Variants in MAGED1 observed in about 807,000 individuals in gnomAD.
MAGED1 encodes MAGE family member D1.
Under a neutral mutation model 54.1 loss-of-function variants are expected in MAGED1, and 3 were observed. The observed-to-expected ratio is 0.06, with a 90% CI of 0.03 to 0.14. MAGED1 has a LOEUF of 0.14. Among genes scored for constraint, MAGED1 ranks in the 10% least tolerant of loss-of-function variants. The pLI, the probability that MAGED1 is intolerant of heterozygous loss-of-function variation, is 1.00. For synonymous variants in MAGED1, 217 were observed against 227.3 expected, an observed-to-expected ratio of 0.95 and a Z score of 0.41; for missense variants, 485 against 623.4, an observed-to-expected ratio of 0.78 and a Z score of 2.36.
intron 1 of MAGED1, among the ~76,000 whole-genome samples, chrX:51,844,562 A>G (rs1339206259): frequency 1.8e-5 from 2 of 112,165 alleles, no homozygotes; most frequent in Admixed American, 1.9e-4. Flanking sequence ...AAGCCAAAGC[A>G]GGCAGTGTGG....
At chrX:51,895,802 C>A (rs976391558) in intron 3 of MAGED1, 42 bp downstream of exon 3, 15 of 1,014,378 alleles carry the variant, frequency 1.5e-5, no homozygotes, top group African/African-American at 1.9e-5. Context: ...GGGCTGTCTC[C>A]TTTCTTCTCT....
rs782449472 is a variant in MAGED1 at position 51,895,040 on chromosome X, C to T, written c.46-13C>T. 2.5e-6 allele frequency: 3 copies of T among 1,178,797 alleles called. No homozygotes were observed. Among genetic ancestry groups the T allele is most frequent in the Non-Finnish European group, 3.4e-6 (3 of 874,429 alleles). On this transcript the variant is annotated splice_polypyrimidine_tract_variant and intron_variant, in intron 2 of 12. Coordinates refer to ENST00000326587, the MANE Select transcript of MAGED1 (RefSeq NM_006986.4). ...GGCCCAGAGATTTAATTTTTTCCCC[C>T]CTGTGTTTGCAGGCTGAGGCCTCCG...
At chrX:51,866,142 GT>G (rs1160361315) in intron 1 of MAGED1, among the ~76,000 whole-genome samples, 1 of 112,329 alleles carries the variant, frequency 8.9e-6, no homozygotes, top group East Asian at 2.8e-4. Flanking sequence ...GCTCTAGAAA[GT>G]TTTTGTGTGT....
At chrX:51,862,996 C>G (rs996571876) in intron 1 of MAGED1, among the ~76,000 whole-genome samples, 1 of 111,894 alleles carries the variant, frequency 8.9e-6, no homozygotes, top group Non-Finnish European at 1.9e-5. Flanking sequence ...GATCTACTCT[C>G]TTAATGAATT....
intron 1 of MAGED1, among the ~76,000 whole-genome samples, chrX:51,855,215 A>G (rs782643711): frequency 1.2e-4 from 13 of 112,120 alleles, no homozygotes; most frequent in Non-Finnish European, 2.4e-4. Context: ...CTGTTTAGTT[A>G]TGGATATCTT....
intron 1 of MAGED1, among the ~76,000 whole-genome samples, chrX:51,824,621 A>C (rs782512545): frequency 2.0e-5 from 2 of 100,065 alleles, no homozygotes; most frequent in Non-Finnish European, 4.1e-5. Flanking sequence ...CCTCTTTTCT[A>C]TTTTCTTCTC....
intron 1 of MAGED1, among the ~76,000 whole-genome samples, chrX:51,860,522 C>T (rs1963273807): frequency 9.0e-6 from 1 of 111,428 alleles, no homozygotes; most frequent in African/African-American, 3.3e-5. Context: ...TTGCAAAAAC[C>T]ATTCATGGAG....
intron 1 of MAGED1, among the ~76,000 whole-genome samples, chrX:51,876,551 A>G (rs1557362017): frequency 9.0e-6 from 1 of 111,065 alleles, no homozygotes; most frequent in Non-Finnish European, 1.9e-5. Context: ...CTTCCTCAAG[A>G]AAAAGGAAAA....
intron 1 of MAGED1, among the ~76,000 whole-genome samples, chrX:51,862,675 C>T (rs1250414547): frequency 9.0e-6 from 1 of 111,656 alleles, no homozygotes; most frequent in Admixed American, 9.6e-5. Flanking sequence ...AACAGAGGTT[C>T]TGCGTCAAAA....
chrX:51,867,345 A>G (rs1927492280), intron 1 of MAGED1, among the ~76,000 whole-genome samples: 1 of 112,086 alleles, frequency 8.9e-6, no homozygotes, highest in African/African-American at 3.2e-5. Flanking sequence ...AGGGGAGCTT[A>G]TTAAGTATTA....
At chrX:51,879,448 C>A (rs1927983712) in intron 1 of MAGED1, among the ~76,000 whole-genome samples, 2 of 110,089 alleles carry the variant, frequency 1.8e-5, no homozygotes, top group African/African-American at 3.3e-5. Context: ...ATGTAGAAAT[C>A]TAGGGTGGTA....
intron 1 of MAGED1, among the ~76,000 whole-genome samples, chrX:51,826,814 G>C (rs1170479780): frequency 8.9e-6 from 1 of 112,374 alleles, no homozygotes; most frequent in African/African-American, 3.2e-5. Flanking sequence ...TTGGAAAACA[G>C]TTTGACAGTT....
At chrX:51,875,210 C>G (rs1927824188) in intron 1 of MAGED1, among the ~76,000 whole-genome samples, 1 of 61,215 alleles carries the variant, frequency 1.6e-5, no homozygotes, top group Admixed American at 2.5e-4. Context: ...CAGGCAATTT[C>G]CTTTTATGAA....
intron 1 of MAGED1, among the ~76,000 whole-genome samples, chrX:51,882,488 T>C (rs1281809727): frequency 9.1e-6 from 1 of 109,982 alleles, no homozygotes; most frequent in Non-Finnish European, 1.9e-5. Context: ...ATGTATTCTC[T>C]AGGGAACTTG....
intron 1 of MAGED1, among the ~76,000 whole-genome samples, chrX:51,851,470 T>TA (rs782549440): frequency 9.0e-6 from 1 of 111,312 alleles, no homozygotes; most frequent in Non-Finnish European, 1.9e-5. Context: ...ACCCTATACA[T>TA]ACACTGTTTT....
chrX:51,824,862 C>CTGTGTGTGTGTG (rs58934297), intron 1 of MAGED1, among the ~76,000 whole-genome samples: 47 of 72,653 alleles, frequency 6.5e-4, no homozygotes, highest in African/African-American at 2.2e-3. Flanking sequence ...TCTCAGAAAC[C>CTGTGTGTGTGTG]TGTGTGTGTG....
At chrX:51,820,591 G>A (rs1466152604) in intron 1 of MAGED1, among the ~76,000 whole-genome samples, 2 of 111,075 alleles carry the variant, frequency 1.8e-5, no homozygotes, top group Non-Finnish European at 3.8e-5. Context: ...ACTGTAAATG[G>A]ACTTGTTTTC....
At chrX:51,805,274 A>G (rs1358427451) in intron 1 of MAGED1, among the ~76,000 whole-genome samples, 1 of 111,865 alleles carries the variant, frequency 8.9e-6, no homozygotes, top group Non-Finnish European at 1.9e-5. Flanking sequence ...TATAAAAGAT[A>G]AAACTTTTAA....
intron 1 of MAGED1, among the ~76,000 whole-genome samples, chrX:51,846,976 T>A (rs1030317913): frequency 1.8e-5 from 2 of 112,229 alleles, no homozygotes; most frequent in African/African-American, 6.5e-5. Flanking sequence ...TTGTATTGTT[T>A]TAAGCAACTA....
Sources: allele counts gnomAD v4.1 joint callset (sites outside exome capture counted in the v4.1 genomes callset), GRCh38; gene constraint gnomAD v4.1.1; transcripts MANE v1.5; gene names NCBI Gene and HGNC (gene_info 2026-07-23, HGNC 2026-07-21).